CAPN5: variants seen among roughly 807,000 people sequenced by gnomAD.
The protein encoded by CAPN5 is calpain-5.
Under a neutral mutation model 73.0 loss-of-function variants are expected in CAPN5, and 54 were observed. The ratio of observed to expected loss-of-function variants is 0.74; its 90% CI spans 0.59 to 0.93. CAPN5 has a LOEUF of 0.93. CAPN5 is among the 40% of genes least tolerant of loss of function. The pLI, the probability that CAPN5 is intolerant of heterozygous loss-of-function variation, is 0.00. For synonymous variants in CAPN5, 335 were observed against 356.9 expected (o/e 0.94, Z 0.69); for missense variants, 785 against 882.9 (o/e 0.89, Z 1.41).
chr11:77,095,563 C>T (rs1416640003), intron 3 of CAPN5, among the ~76,000 whole-genome samples: 1 of 152,202 alleles, frequency 6.6e-6, no homozygotes, highest in Non-Finnish European at 1.5e-5. Context: ...AGCTCCTTTC[C>T]AAATTGTTGG....
chr11:77,119,159 C>T lies in CAPN5; in HGVS notation c.1290+7C>T. On this transcript the variant is annotated splice_region_variant and intron_variant, in intron 9 of 12. Transcript: ENST00000648180. ...TGGCTTTGACATCTACAAGGTGAGG[C>T]CAGCCGGGTCCCCTGCCGTGGGTGG... The T allele has an allele frequency of 5.6e-6, 9 of 1,604,924 alleles. No homozygotes were observed. The highest frequency in any genetic ancestry group is 7.7e-6 in the Non-Finnish European group (9 of 1,175,768).
At chr11:77,119,249 G>T in intron 9 of CAPN5, 97 bp downstream of exon 9, 2 of 1,356,374 alleles carry the variant, frequency 1.5e-6, no homozygotes. Flanking sequence ...GAACACCTTG[G>T]TCACTGCCGC....
intron 2 of CAPN5, among the ~76,000 whole-genome samples, chr11:77,086,703 G>T (rs142089824): frequency 5.9e-5 from 9 of 152,248 alleles, no homozygotes; most frequent in African/African-American, 2.2e-4. Context: ...CGAGCTCTTC[G>T]CCCTCCTCCC....
chr11:77,123,565 C>A, intron 12 of CAPN5, 123 bp from the exon 13 acceptor site: 2 of 797,278 alleles, frequency 2.5e-6, no homozygotes. Context: ...CAGCCCAGGG[C>A]CCCCGATCCT....
In CAPN5 at chr11:77,109,753, C is replaced by T. The variant is rs141163792; in HGVS notation, c.298-2836C>T. On this transcript the variant is annotated intron_variant, in intron 3 of 12. Transcript: ENST00000648180. ...GCCCACCCCGTGCCAGGTGCAGGGG[C>T]GGTGAAGCAGGAGGGGAAATGGAGG... Among the ~76,000 whole-genome samples, 713 of 152,252 alleles carry T rather than the reference C, an allele frequency of 4.7e-3. 9 individuals are homozygous for T. The highest frequency in any genetic ancestry group is 0.015 in the African/African-American group (629 of 41,548).
rs782320039 is a variant in CAPN5, at chr11:77,103,013, CCAG to C, written c.297+9208_297+9210del. The C allele has an allele frequency of 4.3e-6, 7 of 1,613,522 alleles. No individual in the cohort carries two copies. The East Asian group carries it at 1.1e-4, about 26-fold the overall frequency. On this transcript the variant is annotated intron_variant, in intron 3 of 12. Transcript: ENST00000648180. ...AGTCTGTGTACCGCCTCAACTTCAC[CCAG>C]CAGCAGCGGCTACAGTTCGAGCGCT... is the stretch of plus-strand genomic sequence containing the variant.
At chr11:77,093,590 G>A in intron 2 of CAPN5, 92 bp from the exon 3 acceptor site, 1 of 763,084 alleles carries the variant, frequency 1.3e-6, no homozygotes, top group Non-Finnish European at 1.8e-6. Context: ...GCAAGTCTGT[G>A]TCTGTCACGT....
In CAPN5 at chr11:77,071,371, C is replaced by A. The variant is rs115121788; in HGVS notation, c.-36+4277C>A. Among the ~76,000 whole-genome samples the A allele has an allele frequency of 9.9e-3, 1,506 of 152,294 alleles. 22 individuals are homozygous for A. The highest frequency in any genetic ancestry group is 0.034 in the African/African-American group (1,420 of 41,556). On this transcript the variant is annotated intron_variant, in intron 1 of 12. Coordinates refer to ENST00000648180, the MANE Select transcript of CAPN5 (RefSeq NM_004055.5). ...TCCCCAATGTCTGGACCCTGCCTGC[C>A]TTTGACAGCGTGCTGGGCCTTTCAG...
chr11:77,091,986 G>A (rs1249353310), intron 2 of CAPN5, among the ~76,000 whole-genome samples: 1 of 152,238 alleles, frequency 6.6e-6, no homozygotes, highest in Non-Finnish European at 1.5e-5. Context: ...TTGGGAGGCT[G>A]AGGCGGGAAG....
At position 77,120,821 on chromosome 11, in the gene CAPN5, C is replaced by T. The variant is rs1064797159; in HGVS notation, c.1399C>T (p.Arg467Cys). 1.2e-5 allele frequency: 19 copies of T among 1,614,086 alleles called. No individual in the cohort carries two copies. The highest frequency in any genetic ancestry group is 2.2e-5 in the East Asian group (1 of 44,904). ...CCTGCGCACCGACCAGCCCGAGGGCCGCTATGTCATCATCCCCACAACCTT... is the reference window on the plus strand; with the variant it reads ...CCTGCGCACCGACCAGCCCGAGGGCTGCTATGTCATCATCCCCACAACCTT... Reference protein sequence around the residue: ...VFLRTDQPEGRYVIIPTTFEP... With the variant: ...VFLRTDQPEGCYVIIPTTFEP... Residue 467 changes from arginine to cysteine, a missense_variant, in exon 10 of 13, where the codon CGC becomes TGC. Arg to Cys is a radical substitution (Grantham distance 180, BLOSUM62 -3). Transcript: ENST00000648180.
intron 7 of CAPN5, 134 bp from the exon 8 acceptor site, chr11:77,118,023 T>G: frequency 1.4e-6 from 1 of 731,426 alleles, no homozygotes. Flanking sequence ...TTGTGTGGGC[T>G]TAGCTCCCCT....
At chr11:77,118,425 C>T in intron 8 of CAPN5, 73 bp downstream of exon 8, 1 of 1,303,580 alleles carries the variant, frequency 7.7e-7, no homozygotes, top group Non-Finnish European at 1.1e-6. Flanking sequence ...CTGCCAGGGA[C>T]TCCTGCATGA....
intron 2 of CAPN5, among the ~76,000 whole-genome samples, chr11:77,092,326 G>A (rs1555036651): frequency 6.6e-6 from 1 of 152,234 alleles, no homozygotes; most frequent in East Asian, 1.9e-4. Context: ...CCAGATTGCC[G>A]ATTGAGGAGC....
chr11:77,102,099 A>G (rs571845431), intron 3 of CAPN5, among the ~76,000 whole-genome samples: 29 of 152,282 alleles, frequency 1.9e-4, no homozygotes, highest in Admixed American at 5.2e-4. Context: ...GCCCTGATAA[A>G]CCAGGAGTTC....
At chr11:77,120,580 A>C in intron 9 of CAPN5, 133 bp from the exon 10 acceptor site, 1 of 615,976 alleles carries the variant, frequency 1.6e-6, no homozygotes, top group Non-Finnish European at 2.8e-6. Flanking sequence ...CTGTTATTAT[A>C]GATTTGCCTG....
At chr11:77,118,052 C>T in intron 7 of CAPN5, 105 bp from the exon 8 acceptor site, 1 of 1,019,046 alleles carries the variant, frequency 9.8e-7, no homozygotes, top group Non-Finnish European at 1.5e-6. Flanking sequence ...CAGCTGTGTT[C>T]TCTCACCTCT....
chr11:77,108,576 G>T (rs1950377142), intron 3 of CAPN5, among the ~76,000 whole-genome samples: 2 of 152,122 alleles, frequency 1.3e-5, no homozygotes. Context: ...CGAGAGGGTA[G>T]CGAGCACAGC....
At chr11:77,110,848 T>C (rs1950403715) in intron 3 of CAPN5, among the ~76,000 whole-genome samples, 2 of 152,236 alleles carry the variant, frequency 1.3e-5, no homozygotes, top group South Asian at 4.1e-4. Context: ...GAGCAGCTTT[T>C]GGCTGAAGTC....
At chr11:77,101,910 G>A (rs12417314) in intron 3 of CAPN5, among the ~76,000 whole-genome samples, 10,330 of 152,292 alleles carry the variant, frequency 0.068, 461 homozygotes, top group East Asian at 0.094. Flanking sequence ...TAATTCAGGT[G>A]GAGTAAGTGG....
Sources: gnomAD v4.1 joint callset for allele counts (sites outside exome capture counted in the v4.1 genomes callset) on GRCh38, gnomAD v4.1.1 for gene constraint, MANE v1.5 for transcripts, NCBI Gene and HGNC (gene_info 2026-07-23, HGNC 2026-07-21) for gene names.